Variants in FOXN3 observed in about 807,000 individuals in gnomAD.
The protein encoded by FOXN3 is forkhead box protein N3.
A neutral mutation model predicts 38.4 loss-of-function variants in FOXN3; 7 were observed. The observed-to-expected ratio is 0.18, with a 90% CI of 0.10 to 0.34. FOXN3 has a LOEUF of 0.34. Ranked by LOEUF, FOXN3 falls within the 10% of genes least tolerant of loss-of-function variation. FOXN3 has a pLI of 1.00. For synonymous variants in FOXN3, 230 were observed against 242.2 expected (o/e 0.95, Z 0.47); for missense variants, 456 against 613.4 (o/e 0.74, Z 2.71).
intron 1 of FOXN3, among the ~76,000 whole-genome samples, chr14:89,456,049 C>T (rs1198276286): frequency 3.9e-5 from 6 of 151,980 alleles, no homozygotes; most frequent in African/African-American, 1.5e-4. Context: ...AAAAAATTAG[C>T]CAGGCATGGT....
intron 4 of FOXN3, among the ~76,000 whole-genome samples, chr14:89,213,255 G>A (rs924952989): frequency 6.6e-5 from 10 of 152,112 alleles, no homozygotes; most frequent in African/African-American, 2.4e-4. Flanking sequence ...ATAAGAAAAG[G>A]GTATCTGTGG....
intron 2 of FOXN3, among the ~76,000 whole-genome samples, chr14:89,368,867 G>A (rs1890230732): frequency 6.6e-6 from 1 of 152,198 alleles, no homozygotes; most frequent in African/African-American, 2.4e-5. Flanking sequence ...TAACTGACGT[G>A]ATAGCCAACG....
rs202042499 is a variant in FOXN3, at chr14:89,343,724, C to CA, written c.680+6947dup. 1.4e-3 allele frequency among the ~76,000 whole-genome samples: 147 copies of CA among 104,174 alleles called. 1 individual carries two copies. Among genetic ancestry groups the CA allele is most frequent in the South Asian group, 6.7e-3 (16 of 2,376 alleles). The allele number at this position is 104,174 out of a possible 152,430, so 68.3% of individuals were successfully genotyped here. A position where few individuals can be genotyped will look rare whatever the true frequency, so the allele number is the denominator to read the frequency against. ...AAGCTTAAATGTCTGGAATTTATTC[C>CA]AAAAAAAAAAAAAAGATGAGAGTAA... On this transcript the variant is annotated intron_variant, in intron 3 of 5. Transcript: ENST00000557258.
At chr14:89,315,104 GACAA>G (rs1887681841) in intron 3 of FOXN3, among the ~76,000 whole-genome samples, 1 of 151,952 alleles carries the variant, frequency 6.6e-6, no homozygotes, top group African/African-American at 2.4e-5. Flanking sequence ...ACCTGGCTCA[GACAA>G]ACAAAGAGAA....
chr14:89,438,639 C>G (rs1315369303), intron 1 of FOXN3, among the ~76,000 whole-genome samples: 1 of 152,072 alleles, frequency 6.6e-6, no homozygotes, highest in Admixed American at 6.6e-5. Context: ...AACAAGTAAT[C>G]ATATTTTATT....
chr14:89,616,865 C>T (rs551380844), intron 1 of FOXN3, among the ~76,000 whole-genome samples: 12 of 152,282 alleles, frequency 7.9e-5, no homozygotes, highest in Admixed American at 7.8e-4. Context: ...AACAAAAATA[C>T]AGTTATGAAA....
chr14:89,291,172 C>G (rs1269750772), intron 3 of FOXN3: 1 of 477,446 alleles, frequency 2.1e-6, no homozygotes, highest in African/African-American at 2.0e-5. Flanking sequence ...TTGGGGGGCA[C>G]AGTTATGCAG....
chr14:89,334,894 G>C (rs1358239027), intron 3 of FOXN3, among the ~76,000 whole-genome samples: 2 of 151,926 alleles, frequency 1.3e-5, no homozygotes, highest in South Asian at 4.1e-4. Flanking sequence ...AGCCGCCCCA[G>C]TAGCTGGGAT....
At chr14:89,350,988 GTAT>G (rs1888944884) in intron 2 of FOXN3, 180 bp from the exon 3 acceptor site, 1 of 413,468 alleles carries the variant, frequency 2.4e-6, no homozygotes, top group African/African-American at 2.1e-5. Context: ...AATCTTACTT[GTAT>G]TATGTTTGAT....
intron 1 of FOXN3, among the ~76,000 whole-genome samples, chr14:89,480,997 G>C (rs185087776): frequency 5.3e-5 from 8 of 152,058 alleles, no homozygotes; most frequent in African/African-American, 1.9e-4. Flanking sequence ...GGAAGGCCAG[G>C]AACCAGGGGA....
chr14:89,333,769 A>AAC (rs1465930132), intron 3 of FOXN3, among the ~76,000 whole-genome samples: 1 of 149,982 alleles, frequency 6.7e-6, no homozygotes, highest in African/African-American at 2.4e-5. Context: ...AAAAAAAAAA[A>AAC]AAAAAAACAG....
rs1887015598 is a variant in FOXN3, at chr14:89,157,890, C to T, written c.*4524G>A. 6.6e-6 allele frequency: 1 copy of T among 152,574 alleles called. No homozygotes were observed. Among genetic ancestry groups the T allele is most frequent in the African/African-American group, 2.4e-5 (1 of 41,434 alleles). 9.5% of individuals were successfully genotyped at this position (152,574 alleles called of 1,614,324 possible). ...CTGGGAAGTCACAATCAAGAGGAAA[C>T]ACAGAGTTCCAATGTTTTCTTTTGG... On this transcript the variant is annotated 3_prime_UTR_variant, in exon 6 of 6. Coordinates refer to ENST00000557258, the MANE Select transcript of FOXN3 (RefSeq NM_005197.4).
intron 1 of FOXN3, among the ~76,000 whole-genome samples, chr14:89,568,915 GC>G (rs1895425065): frequency 2.6e-5 from 4 of 151,922 alleles, no homozygotes; most frequent in Admixed American, 2.6e-4. Flanking sequence ...TGTTTAAAAG[GC>G]GCCATTGGCC....
intron 1 of FOXN3, among the ~76,000 whole-genome samples, chr14:89,561,556 G>C (rs1183202331): frequency 1.3e-5 from 2 of 152,214 alleles, no homozygotes; most frequent in African/African-American, 4.8e-5. Context: ...TAGCAGAGGA[G>C]GGAGGTCTTC....
intron 4 of FOXN3, among the ~76,000 whole-genome samples, chr14:89,193,080 G>A (rs535666579): frequency 2.0e-5 from 3 of 152,192 alleles, no homozygotes; most frequent in South Asian, 2.1e-4. Flanking sequence ...TCAGGGGGTA[G>A]CCAAGAAAAA....
intron 4 of FOXN3, among the ~76,000 whole-genome samples, chr14:89,181,101 GAGAC>G (rs1407342820): frequency 1.3e-5 from 2 of 151,852 alleles, no homozygotes; most frequent in Non-Finnish European, 2.9e-5. Context: ...CGGGGAAACA[GAGAC>G]AGAAAAAGAT....
At chr14:89,313,097 C>G (rs1321102179) in intron 3 of FOXN3, among the ~76,000 whole-genome samples, 4 of 152,138 alleles carry the variant, frequency 2.6e-5, no homozygotes, top group Admixed American at 2.6e-4. Flanking sequence ...GCCTAAGACC[C>G]AACTGTTAGG....
chr14:89,334,919 A>G (rs1256092900), intron 3 of FOXN3, among the ~76,000 whole-genome samples: 2 of 151,926 alleles, frequency 1.3e-5, no homozygotes, highest in African/African-American at 4.8e-5. Context: ...GGCGTGCACC[A>G]CCACACCCAG....
At chr14:89,388,355 C>A (rs939114709) in intron 2 of FOXN3, among the ~76,000 whole-genome samples, 6 of 152,182 alleles carry the variant, frequency 3.9e-5, no homozygotes, top group African/African-American at 1.4e-4. Flanking sequence ...ACAGTGAACG[C>A]TGCACCTGCA....
Sources: gnomAD v4.1 joint callset for allele counts (sites outside exome capture counted in the v4.1 genomes callset) on GRCh38, gnomAD v4.1.1 for gene constraint, MANE v1.5 for transcripts, NCBI Gene and HGNC (gene_info 2026-07-23, HGNC 2026-07-21) for gene names.